The following SMAGP variants were observed in gnomAD, a reference collection of about 807,000 sequenced individuals.
The protein encoded by SMAGP is small cell adhesion glycoprotein.
A neutral mutation model predicts 10.1 loss-of-function variants in SMAGP; 7 were observed. The observed-to-expected ratio is 0.70, with a 90% CI of 0.40 to 1.31. SMAGP has a LOEUF of 1.31. Among genes scored for constraint, SMAGP ranks in the 50% most tolerant of loss-of-function variants. The pLI, the probability that SMAGP is intolerant of heterozygous loss-of-function variation, is 0.01. For missense variants in SMAGP, 113 were observed against 116.5 expected (o/e 0.97, Z 0.14); for synonymous variants, 49 against 47.2 (o/e 1.04, Z -0.16).
chr12:51,255,193 G>A (rs569563847), intron 2 of SMAGP, among the ~76,000 whole-genome samples: 79 of 152,116 alleles, frequency 5.2e-4, no homozygotes, highest in Non-Finnish European at 7.1e-4. Context: ...GCACCAACAC[G>A]CCTGGCTAAT....
rs1238164375 is a variant in SMAGP at position 51,244,823 on chromosome 12, T to TTA, written c.*1117_*1118insTA. 7.3e-6 allele frequency: 1 copy of TTA among 137,270 alleles called. No homozygotes were observed. The highest frequency in any genetic ancestry group is 1.5e-5 in the Non-Finnish European group (1 of 66,300). 8.5% of individuals were successfully genotyped at this position (137,270 alleles called of 1,614,324 possible). On this transcript the variant is annotated 3_prime_UTR_variant, in exon 4 of 4. Transcript: ENST00000603798. ...AACCAACTCATCTCCCAGGGTACTTTTTTTTTTTTTTTTTTTTTTGAGACG... is the reference window on the plus strand; with the variant it reads ...AACCAACTCATCTCCCAGGGTACTTTTATTTTTTTTTTTTTTTTTTTGAGACG...
chr12:51,266,734 C>T lies in SMAGP; in HGVS notation c.34+2511G>A, dbSNP rs181666444. On this transcript the variant is annotated intron_variant, in intron 2 of 3. Transcript: ENST00000603798. ...ATCCACTGGGGTTTTTGGAATGAAT[C>T]CCCTGTGGATAAGCGGGGACTACTC... 4.5e-3 allele frequency among the ~76,000 whole-genome samples: 690 copies of T among 152,282 alleles called. 6 individuals carry two copies. Among genetic ancestry groups the T allele is most frequent in the Middle Eastern group, 0.01 (3 of 294 alleles).
At chr12:51,269,361 T>C (rs1945005862) in intron 1 of SMAGP, 45 bp from the exon 2 acceptor site, 1 of 1,528,780 alleles carries the variant, frequency 6.5e-7, no homozygotes, top group Non-Finnish European at 9.1e-7. Flanking sequence ...GGTGGGCCCC[T>C]ATGGCTTTGA....
chr12:51,245,816 C>T lies in SMAGP; in HGVS notation c.*125G>A, dbSNP rs1944760551. On this transcript the variant is annotated 3_prime_UTR_variant, in exon 4 of 4. Coordinates refer to ENST00000603798, the MANE Select transcript of SMAGP (RefSeq NM_001031628.2). ...GTCGGCATTTGGGACTGCGACCTGGCTGGAGCTTGGATTTGCCCACATCAA... is the reference window on the plus strand; with the variant it reads ...GTCGGCATTTGGGACTGCGACCTGGTTGGAGCTTGGATTTGCCCACATCAA... The T allele has an allele frequency of 8.9e-7, 1 of 1,126,136 alleles. No individual in the cohort carries two copies. The highest frequency in any genetic ancestry group is 1.2e-6 in the Non-Finnish European group (1 of 802,222). The allele number at this position is 1,126,136 out of a possible 1,614,324, so 69.8% of individuals were successfully genotyped here. A position where few individuals can be genotyped will look rare whatever the true frequency, so the allele number is the denominator to read the frequency against.
chr12:51,253,666 T>C (rs1383938724), intron 2 of SMAGP: 8 of 151,982 alleles, frequency 5.3e-5, no homozygotes, highest in East Asian at 1.9e-4. Flanking sequence ...CTTGAGGACA[T>C]GACACTAAGT....
chr12:51,264,064 T>C (rs577200975), intron 2 of SMAGP, among the ~76,000 whole-genome samples: 2 of 152,238 alleles, frequency 1.3e-5, no homozygotes, highest in African/African-American at 4.8e-5. Flanking sequence ...AGTCATAATG[T>C]GGCCCTTCCT....
Position 51,245,819 on chromosome 12 carries a change from G to A in SMAGP, c.*122C>T, listed in dbSNP as rs1281313837. ...GGCATTTGGGACTGCGACCTGGCTG[G>A]AGCTTGGATTTGCCCACATCAATCA... On this transcript the variant is annotated 3_prime_UTR_variant, in exon 4 of 4. Coordinates refer to ENST00000603798, the MANE Select transcript of SMAGP (RefSeq NM_001031628.2). 12 of 1,147,952 alleles carry A rather than the reference G, an allele frequency of 1.0e-5. No individual in the cohort carries two copies. Among genetic ancestry groups the A allele is most frequent in the Non-Finnish European group, 1.2e-5 (10 of 821,070 alleles). The allele number at this position is 1,147,952 out of a possible 1,614,324, so 71.1% of individuals were successfully genotyped here.
intron 2 of SMAGP, 80 bp downstream of exon 2, chr12:51,269,165 C>G (rs1945003723): frequency 1.3e-6 from 2 of 1,537,512 alleles, no homozygotes; most frequent in African/African-American, 2.7e-5. Context: ...CCCACCTGGG[C>G]TGAGGCTTCC....
intron 2 of SMAGP, among the ~76,000 whole-genome samples, chr12:51,256,681 T>C (rs917111813): frequency 6.6e-6 from 1 of 151,372 alleles, no homozygotes; most frequent in Non-Finnish European, 1.5e-5. Flanking sequence ...GATCGTGCCA[T>C]TGCACTCCAG....
At chr12:51,257,552 A>C (rs117282961) in intron 2 of SMAGP, among the ~76,000 whole-genome samples, 2,531 of 145,640 alleles carry the variant, frequency 0.017, 18 homozygotes, top group Non-Finnish European at 0.025. Flanking sequence ...CTTTGTATAC[A>C]TTTTTTTTTT....
intron 3 of SMAGP, 113 bp downstream of exon 3, chr12:51,246,638 G>GTA: frequency 1.6e-6 from 1 of 629,520 alleles, no homozygotes. Flanking sequence ...GTGTGTGTGT[G>GTA]TAATATAACT....
intron 2 of SMAGP, among the ~76,000 whole-genome samples, chr12:51,261,261 A>G (rs1296133085): frequency 1.3e-5 from 2 of 149,762 alleles, no homozygotes; most frequent in African/African-American, 4.9e-5. Flanking sequence ...ATGCCCAGCT[A>G]ATTTTTTGTA....
intron 2 of SMAGP, among the ~76,000 whole-genome samples, chr12:51,263,944 T>C (rs1365437980): frequency 6.6e-6 from 1 of 151,902 alleles, no homozygotes; most frequent in Non-Finnish European, 1.5e-5. Flanking sequence ...TAAATATTAA[T>C]TATATTATAT....
intron 2 of SMAGP, among the ~76,000 whole-genome samples, chr12:51,261,429 A>G (rs1433222400): frequency 6.6e-6 from 1 of 152,136 alleles, no homozygotes. Context: ...CAGGCAAACC[A>G]TGTCAGATAA....
At chr12:51,270,200 G>C (rs1265812267) in intron 1 of SMAGP, 56 bp downstream of exon 1, 1 of 152,598 alleles carries the variant, frequency 6.6e-6, no homozygotes, top group Non-Finnish European at 1.5e-5. Flanking sequence ...CGAGGTGGCT[G>C]CGGCGAATGT....
rs1248640037 is a variant in SMAGP at position 51,244,662 on chromosome 12, CTA to C, written c.*1277_*1278del. On this transcript the variant is annotated 3_prime_UTR_variant, in exon 4 of 4. Transcript: ENST00000603798. ...CTTTTAAACACAACTTATCTTGAGACTAAAATCCAAGAAGCTTCTTGGCTTGA... is the reference window on the plus strand; with the variant it reads ...CTTTTAAACACAACTTATCTTGAGACAAATCCAAGAAGCTTCTTGGCTTGA... 6.6e-6 allele frequency: 1 copy of C among 152,126 alleles called. No individual in the cohort carries two copies. Among genetic ancestry groups the C allele is most frequent in the African/African-American group, 2.4e-5 (1 of 41,394 alleles). 9.4% of individuals were successfully genotyped at this position (152,126 alleles called of 1,614,324 possible).
At chr12:51,264,759 C>T (rs1001281044) in intron 2 of SMAGP, among the ~76,000 whole-genome samples, 1 of 151,766 alleles carries the variant, frequency 6.6e-6, no homozygotes, top group Non-Finnish European at 1.5e-5. Flanking sequence ...TGGTGAAACC[C>T]CGTCTCTACT....
At chr12:51,264,623 C>G (rs1249766238) in intron 2 of SMAGP, among the ~76,000 whole-genome samples, 1 of 135,056 alleles carries the variant, frequency 7.4e-6, no homozygotes, top group Admixed American at 7.8e-5. Flanking sequence ...AAGATCCCAT[C>G]TCTTAAAAAA....
intron 2 of SMAGP, among the ~76,000 whole-genome samples, chr12:51,254,022 A>C (rs1396133439): frequency 1.3e-5 from 2 of 152,204 alleles, no homozygotes; most frequent in Non-Finnish European, 2.9e-5. Context: ...GAGAAGGGGA[A>C]AATGGGGAGT....
Sources: allele counts gnomAD v4.1 joint callset (sites outside exome capture counted in the v4.1 genomes callset), GRCh38; gene constraint gnomAD v4.1.1; transcripts MANE v1.5; gene names NCBI Gene and HGNC (gene_info 2026-07-23, HGNC 2026-07-21).